The following C2CD4B variants were observed in gnomAD, a reference collection of about 807,000 sequenced individuals.
The protein encoded by C2CD4B is C2 calcium dependent domain containing 4B.
For missense variants in C2CD4B, 644 were observed against 577.7 expected, an observed-to-expected ratio of 1.11 and a Z score of -1.18; for synonymous variants, 347 against 284.9, an observed-to-expected ratio of 1.22 and a Z score of -2.20.
chr15:62,164,109 G>A lies in C2CD4B; in HGVS notation c.876C>T (p.Val292=). Residue 292 remains valine (V), a synonymous_variant, in exon 2 of 2, where the codon GTC becomes GTT. Transcript: ENST00000380392. ...PRAVRCRLSL[V]LRPPGTARWQ... is the part of the protein sequence containing the mutation. The stretch of plus-strand genomic sequence containing the variant: ...AACGCGCAGTGCCCGGCGGCCGCAG[G>A]ACGAGGCTGAGGCGGCAGCGGACGG... The A allele has an allele frequency of 6.6e-7, 1 of 1,506,392 alleles. No individual in the cohort carries two copies. The highest frequency in any genetic ancestry group is 8.8e-7 in the Non-Finnish European group (1 of 1,134,146). The allele number at this position is 1,506,392 out of a possible 1,614,324, so 93.3% of individuals were successfully genotyped here. A position where few individuals can be genotyped will look rare whatever the true frequency, so the allele number is the denominator to read the frequency against.
chr15:62,164,516 G>C lies in C2CD4B; in HGVS notation c.469C>G (p.Pro157Ala), dbSNP rs1400565538. ...TCCTGGGGCAGGCGGGGACCGCCGG[G>C]GGCCGCGGGGGTGGCCGGGCCCGGA... Reference protein sequence around the residue: ...RGPGPATPAAPGGPRLPQDAL... With the variant: ...RGPGPATPAAAGGPRLPQDAL... Residue 157 changes from proline to alanine, a missense_variant, in exon 2 of 2, where the codon CCC (proline) becomes GCC (alanine). Transcript: ENST00000380392. 3.4e-6 allele frequency: 4 copies of C among 1,172,630 alleles called. No individual in the cohort carries two copies. The allele number at this position is 1,172,630 out of a possible 1,614,324, so 72.6% of individuals were successfully genotyped here.
Position 62,164,315 on chromosome 15 carries a change from A to G in C2CD4B, c.670T>C (p.Ser224Pro). 1 of 1,406,314 alleles carries G rather than the reference A, an allele frequency of 7.1e-7. No homozygotes were observed. Among genetic ancestry groups the G allele is most frequent in the Admixed American group, 3.3e-5 (1 of 30,258 alleles). The allele number at this position is 1,406,314 out of a possible 1,614,324, so 87.1% of individuals were successfully genotyped here. Residue 224 changes from serine to proline, a missense_variant, in exon 2 of 2, where the codon TCG becomes CCG. Ser to Pro is a moderately conservative substitution (Grantham distance 74, BLOSUM62 -1). Transcript: ENST00000380392. ...GGGGCCCTGGATGACAGCGGGCTCG[A>G]GGAGGGGGCCCGGGCCGGGGACTCG... ...GSESPARAPS[S>P]SPLSSRAPLP... is the part of the protein sequence containing the mutation.
chr15:62,164,048 C>G lies in C2CD4B; in HGVS notation c.937G>C (p.Ala313Pro), dbSNP rs780498555. ...AAGCAAAAGTCCTGGTCAAAGGAGG[C>G]CTTGCGGCTGCGCCCCACCACAGCG... ...CSAVVGRSRK[A>P]SFDQDFCFDG... is the part of the protein sequence containing the mutation. Residue 313 changes from alanine to proline, a missense_variant, in exon 2 of 2, where the codon GCC (alanine) becomes CCC (proline). By Grantham distance (27) the Ala-to-Pro change is conservative (BLOSUM62 -1). Transcript: ENST00000380392. 1.9e-6 allele frequency: 3 copies of G among 1,593,658 alleles called. No homozygotes were observed. The highest frequency in any genetic ancestry group is 1.7e-5 in the Admixed American group (1 of 58,562).
chr15:62,164,783 C>G lies in C2CD4B; in HGVS notation c.202G>C (p.Ala68Pro), dbSNP rs146941362. 9.5e-3 allele frequency: 14,074 copies of G among 1,478,400 alleles called. 147 individuals are homozygous for G. Among genetic ancestry groups the G allele is most frequent in the South Asian group, 0.041 (3,106 of 76,178 alleles). 91.6% of individuals were successfully genotyped at this position (1,478,400 alleles called of 1,614,324 possible). A position where few individuals can be genotyped will look rare whatever the true frequency, so the allele number is the denominator to read the frequency against. The change falls in exon 2 of 2, where the codon GCG becomes CCG. Residue 68 changes from alanine to proline, a missense_variant. Transcript: ENST00000380392. Reference sequence around the variant, plus strand: ...GTGCGGCCGGCGTCCTCGTCTGCCGCGCGGGGCCACAGGTCGCTTTCAGCG... The same window carrying G: ...GTGCGGCCGGCGTCCTCGTCTGCCGGGCGGGGCCACAGGTCGCTTTCAGCG... ...CAAESDLWPR[A>P]ADEDAGRTDW... is the part of the protein sequence containing the mutation.
In C2CD4B at chr15:62,164,394, G is replaced by A. The variant is rs1203381708; in HGVS notation, c.591C>T (p.Ala197=). The A allele has an allele frequency of 7.0e-7, 1 of 1,420,918 alleles. No homozygotes were observed. Among genetic ancestry groups the A allele is most frequent in the Admixed American group, 2.9e-5 (1 of 34,236 alleles). The allele number at this position is 1,420,918 out of a possible 1,614,324, so 88.0% of individuals were successfully genotyped here. Reference sequence around the variant, plus strand: ...TCCCGCTGGAGACGGAGCGGACGCGGGCCAGGCGGCGACTCCTTCCAGCCC... The same window carrying A: ...TCCCGCTGGAGACGGAGCGGACGCGAGCCAGGCGGCGACTCCTTCCAGCCC... ...ALRAGRSRRL[A]RVRSVSSGNE... The change falls in exon 2 of 2, where the codon GCC becomes GCT. Residue 197 remains alanine, a synonymous_variant. Transcript: ENST00000380392.
At position 62,164,524 on chromosome 15, in the gene C2CD4B, G is replaced by A; in HGVS notation, c.461C>T (p.Pro154Leu). Residue 154 changes from proline (P) to leucine (L), a missense_variant, in exon 2 of 2, where the codon CCC becomes CTC. Physicochemically the swap from Pro to Leu is moderately conservative, Grantham distance 98 (BLOSUM62 -3). Coordinates refer to ENST00000380392, the MANE Select transcript of C2CD4B (RefSeq NM_001007595.3). Reference sequence around the variant, plus strand: ...CAGGCGGGGACCGCCGGGGGCCGCGGGGGTGGCCGGGCCCGGACCTCGCGG... The same window carrying A: ...CAGGCGGGGACCGCCGGGGGCCGCGAGGGTGGCCGGGCCCGGACCTCGCGG... ...CGPRGPGPAT[P>L]AAPGGPRLPQ... is the part of the protein sequence containing the mutation. The A allele has an allele frequency of 1.7e-6, 2 of 1,153,008 alleles. No individual in the cohort carries two copies. The highest frequency in any genetic ancestry group is 2.1e-6 in the Non-Finnish European group (2 of 939,316). The allele number at this position is 1,153,008 out of a possible 1,614,324, so 71.4% of individuals were successfully genotyped here. A position where few individuals can be genotyped will look rare whatever the true frequency, so the allele number is the denominator to read the frequency against.
chr15:62,164,058 G>A lies in C2CD4B; in HGVS notation c.927C>T (p.Arg309=), dbSNP rs1214782387. The A allele has an allele frequency of 5.7e-6, 9 of 1,589,530 alleles. No homozygotes were observed. Among genetic ancestry groups the A allele is most frequent in the African/African-American group, 2.7e-5 (2 of 74,004 alleles). ...CCTGGTCAAAGGAGGCCTTGCGGCT[G>A]CGCCCCACCACAGCGCTGCATTGCC... ...ARWQCSAVVG[R]SRKASFDQDF... is the part of the protein sequence containing the mutation. The change falls in exon 2 of 2, where the codon CGC becomes CGT. Residue 309 remains arginine (R), a synonymous_variant. Transcript: ENST00000380392.
rs763999485 is a variant in C2CD4B, at chr15:62,164,460, G to A, written c.525C>T (p.Arg175=). Residue 175 remains arginine (R), a synonymous_variant, in exon 2 of 2, where the codon CGC becomes CGT. Coordinates refer to ENST00000380392, the MANE Select transcript of C2CD4B (RefSeq NM_001007595.3). The part of the protein sequence containing the change: ...DALAAGPRRC[R]LLRVPDGLLS... The stretch of plus-strand genomic sequence containing the variant: ...GCAGCCCGTCGGGGACGCGCAGGAG[G>A]CGGCAGCGGCGGGGCCCCGCAGCGA... 15 of 1,288,570 alleles carry A rather than the reference G, an allele frequency of 1.2e-5. 1 individual carries two copies. The South Asian group carries it at 2.8e-4, about 24-fold the overall frequency. 79.8% of individuals were successfully genotyped at this position (1,288,570 alleles called of 1,614,324 possible). A position where few individuals can be genotyped will look rare whatever the true frequency, so the allele number is the denominator to read the frequency against.
In C2CD4B at chr15:62,164,150, C is replaced by G. The variant is rs773438897; in HGVS notation, c.835G>C (p.Ala279Pro). 2.7e-6 allele frequency: 4 copies of G among 1,454,820 alleles called. No individual in the cohort carries two copies. The highest frequency in any genetic ancestry group is 3.0e-5 in the African/African-American group (2 of 67,272). 90.1% of individuals were successfully genotyped at this position (1,454,820 alleles called of 1,614,324 possible). A position where few individuals can be genotyped will look rare whatever the true frequency, so the allele number is the denominator to read the frequency against. ...CAGCGGACGGCGCGGGGCCCGGGGGCGCCTCCGAACAGGCTCTCCGCGCGG... is the reference window on the plus strand; with the variant it reads ...CAGCGGACGGCGCGGGGCCCGGGGGGGCCTCCGAACAGGCTCTCCGCGCGG... ...LLRAESLFGG[A>P]PGPRAVRCRL... Residue 279 changes from alanine to proline, a missense_variant, in exon 2 of 2, where the codon GCC becomes CCC. By Grantham distance (27) the Ala-to-Pro change is conservative. Transcript: ENST00000380392.
At position 62,164,828 on chromosome 15, in the gene C2CD4B, C is replaced by T. The variant is rs1375531236; in HGVS notation, c.157G>A (p.Ala53Thr). The change falls in exon 2 of 2, where the codon GCC (alanine) becomes ACC (threonine). Residue 53 changes from alanine (A) to threonine (T), a missense_variant. By Grantham distance (58) the Ala-to-Thr change is moderately conservative. Coordinates refer to ENST00000380392, the MANE Select transcript of C2CD4B (RefSeq NM_001007595.3). ...CTLESPIRAA[A>T]VPRRCAAESD... ...TCAGCGGCGCAGCGCCGGGGCACGG[C>T]GGCGGCCCGGATTGGAGACTCGAGC... 6.8e-6 allele frequency: 10 copies of T among 1,462,276 alleles called. No individual in the cohort carries two copies. Among genetic ancestry groups the T allele is most frequent in the Non-Finnish European group, 8.0e-6 (9 of 1,118,060 alleles). The allele number at this position is 1,462,276 out of a possible 1,614,324, so 90.6% of individuals were successfully genotyped here. A position where few individuals can be genotyped will look rare whatever the true frequency, so the allele number is the denominator to read the frequency against.
rs2049590148 is a variant in C2CD4B, at chr15:62,164,507, G to A, written c.478C>T (p.Pro160Ser). 8.4e-7 allele frequency: 1 copy of A among 1,193,656 alleles called. No individual in the cohort carries two copies. The allele number at this position is 1,193,656 out of a possible 1,614,324, so 73.9% of individuals were successfully genotyped here. A position where few individuals can be genotyped will look rare whatever the true frequency, so the allele number is the denominator to read the frequency against. Reference protein sequence around the residue: ...GPATPAAPGGPRLPQDALAAG... With the variant: ...GPATPAAPGGSRLPQDALAAG... ...GCGAGCGCGTCCTGGGGCAGGCGGGGACCGCCGGGGGCCGCGGGGGTGGCC... is the reference window on the plus strand; with the variant it reads ...GCGAGCGCGTCCTGGGGCAGGCGGGAACCGCCGGGGGCCGCGGGGGTGGCC... Residue 160 changes from proline to serine, a missense_variant, in exon 2 of 2, where the codon CCC becomes TCC. Physicochemically the swap from Pro to Ser is moderately conservative, Grantham distance 74. Transcript: ENST00000380392.
In C2CD4B at chr15:62,164,064, C is replaced by T. The variant is rs2049581668; in HGVS notation, c.921G>A (p.Val307=). 6.3e-7 allele frequency: 1 copy of T among 1,582,512 alleles called. No homozygotes were observed. Among genetic ancestry groups the T allele is most frequent in the Non-Finnish European group, 8.6e-7 (1 of 1,169,400 alleles). Residue 307 remains valine (V), a synonymous_variant, in exon 2 of 2, where the codon GTG becomes GTA. Transcript: ENST00000380392. ...GTARWQCSAV[V]GRSRKASFDQ... ...CAAAGGAGGCCTTGCGGCTGCGCCC[C>T]ACCACAGCGCTGCATTGCCAACGCG...
Position 62,163,711 on chromosome 15 carries a change from C to A in C2CD4B, c.*179G>T. 1 of 946,712 alleles carries A rather than the reference C, an allele frequency of 1.1e-6. No individual in the cohort carries two copies. Among genetic ancestry groups the A allele is most frequent in the Non-Finnish European group, 1.4e-6 (1 of 698,892 alleles). 58.6% of individuals were successfully genotyped at this position (946,712 alleles called of 1,614,324 possible). A position where few individuals can be genotyped will look rare whatever the true frequency, so the allele number is the denominator to read the frequency against. On this transcript the variant is annotated 3_prime_UTR_variant, in exon 2 of 2. Transcript: ENST00000380392. Reference sequence around the variant, plus strand: ...AGATATGGGGGTCCTGTGAACAGAACAGGGAGTCATTATCTTTTTCTTCTT... The same window carrying A: ...AGATATGGGGGTCCTGTGAACAGAAAAGGGAGTCATTATCTTTTTCTTCTT...
rs2049576210 is a variant in C2CD4B at position 62,163,798 on chromosome 15, TA to T, written c.*91del. The T allele has an allele frequency of 7.4e-7, 1 of 1,353,480 alleles. No individual in the cohort carries two copies. The allele number at this position is 1,353,480 out of a possible 1,614,324, so 83.8% of individuals were successfully genotyped here. A position where few individuals can be genotyped will look rare whatever the true frequency, so the allele number is the denominator to read the frequency against. Reference sequence around the variant, plus strand: ...GTAAAACGTCAATAAAGCAGTATCATAAATAAAAAAATAAATAACGTTTATT... The same window carrying T: ...GTAAAACGTCAATAAAGCAGTATCATAATAAAAAAATAAATAACGTTTATT... On this transcript the variant is annotated 3_prime_UTR_variant, in exon 2 of 2. Coordinates refer to ENST00000380392, the MANE Select transcript of C2CD4B (RefSeq NM_001007595.3).
At position 62,164,051 on chromosome 15, in the gene C2CD4B, T is replaced by G; in HGVS notation, c.934A>C (p.Lys312Gln). The change falls in exon 2 of 2, where the codon AAG becomes CAG. Residue 312 changes from lysine (K) to glutamine (Q), a missense_variant. Coordinates refer to ENST00000380392, the MANE Select transcript of C2CD4B (RefSeq NM_001007595.3). Reference sequence around the variant, plus strand: ...CAAAAGTCCTGGTCAAAGGAGGCCTTGCGGCTGCGCCCCACCACAGCGCTG... The same window carrying G: ...CAAAAGTCCTGGTCAAAGGAGGCCTGGCGGCTGCGCCCCACCACAGCGCTG... Reference protein sequence around the residue: ...QCSAVVGRSRKASFDQDFCFD... With the variant: ...QCSAVVGRSRQASFDQDFCFD... 1 of 1,592,276 alleles carries G rather than the reference T, an allele frequency of 6.3e-7. No individual in the cohort carries two copies. The highest frequency in any genetic ancestry group is 8.5e-7 in the Non-Finnish European group (1 of 1,173,068).
At position 62,163,773 on chromosome 15, in the gene C2CD4B, G is replaced by A; in HGVS notation, c.*117C>T. ...GATGACAAATGTGGATGGTGAGGAA[G>A]TAAAACGTCAATAAAGCAGTATCAT... is the stretch of plus-strand genomic sequence containing the variant. On this transcript the variant is annotated 3_prime_UTR_variant, in exon 2 of 2. Coordinates refer to ENST00000380392, the MANE Select transcript of C2CD4B (RefSeq NM_001007595.3). 7.8e-7 allele frequency: 1 copy of A among 1,289,478 alleles called. No individual in the cohort carries two copies. Among genetic ancestry groups the A allele is most frequent in the Non-Finnish European group, 1.0e-6 (1 of 1,004,324 alleles). The allele number at this position is 1,289,478 out of a possible 1,614,324, so 79.9% of individuals were successfully genotyped here. A position where few individuals can be genotyped will look rare whatever the true frequency, so the allele number is the denominator to read the frequency against.
At position 62,164,148 on chromosome 15, in the gene C2CD4B, G is replaced by A; in HGVS notation, c.837C>T (p.Ala279=). 6.9e-7 allele frequency: 1 copy of A among 1,457,178 alleles called. No individual in the cohort carries two copies. Among genetic ancestry groups the A allele is most frequent in the South Asian group, 1.4e-5 (1 of 72,700 alleles). The allele number at this position is 1,457,178 out of a possible 1,614,324, so 90.3% of individuals were successfully genotyped here. A position where few individuals can be genotyped will look rare whatever the true frequency, so the allele number is the denominator to read the frequency against. ...LLRAESLFGG[A]PGPRAVRCRL... is the part of the protein sequence containing the mutation. ...GGCAGCGGACGGCGCGGGGCCCGGG[G>A]GCGCCTCCGAACAGGCTCTCCGCGC... is the stretch of plus-strand genomic sequence containing the variant. Residue 279 remains alanine, a synonymous_variant, in exon 2 of 2, where the codon GCC becomes GCT. Transcript: ENST00000380392.
At chr15:62,165,094 C>T in intron 1 of C2CD4B, 70 bp from the exon 2 acceptor site, 1 of 1,324,532 alleles carries the variant, frequency 7.5e-7, no homozygotes, top group Admixed American at 3.0e-5. Context: ...GGCTGGATCC[C>T]TCCCCCAGAC....
Position 62,164,676 on chromosome 15 carries a change from C to G in C2CD4B, c.309G>C (p.Leu103=), listed in dbSNP as rs1215606883. ...RVRTTYGFCA[L]LESPHTRRKE... is the part of the protein sequence containing the mutation. The stretch of plus-strand genomic sequence containing the variant: ...TGCGGCGCGTGTGCGGGCTCTCGAG[C>G]AGCGCGCAGAAGCCGTAGGTGGTGC... Residue 103 remains leucine, a synonymous_variant, in exon 2 of 2, where the codon CTG becomes CTC. Coordinates refer to ENST00000380392, the MANE Select transcript of C2CD4B (RefSeq NM_001007595.3). 6.9e-7 allele frequency: 1 copy of G among 1,450,610 alleles called. No individual in the cohort carries two copies. The highest frequency in any genetic ancestry group is 1.3e-5 in the South Asian group (1 of 74,168). The allele number at this position is 1,450,610 out of a possible 1,614,324, so 89.9% of individuals were successfully genotyped here. A position where few individuals can be genotyped will look rare whatever the true frequency, so the allele number is the denominator to read the frequency against.
Sources: gnomAD v4.1 joint callset for allele counts on GRCh38, gnomAD v4.1.1 for gene constraint, MANE v1.5 for transcripts, NCBI Gene and HGNC (gene_info 2026-07-23, HGNC 2026-07-21) for gene names.